The following RAI14 variants were observed in gnomAD, a reference collection of about 807,000 sequenced individuals.
The protein encoded by RAI14 is ankycorbin.
In RAI14, 45 loss-of-function variants were observed where a neutral mutation model predicts 115.4. That is an observed-to-expected ratio of 0.39 (90% CI 0.31 to 0.50). RAI14 has a LOEUF of 0.50. RAI14 is among the 20% of genes least tolerant of loss of function. The probability of loss-of-function intolerance (pLI) is 0.85; values close to 1 mark genes in which losing one functional copy is unlikely to be tolerated. For synonymous variants in RAI14, 371 were observed against 415.4 expected, an observed-to-expected ratio of 0.89 and a Z score of 1.30; for missense variants, 939 against 1,131.2, an observed-to-expected ratio of 0.83 and a Z score of 2.44.
intron 1 of RAI14, among the ~76,000 whole-genome samples, chr5:34,674,746 C>T (rs1342388044): frequency 6.6e-6 from 1 of 151,974 alleles, no homozygotes; most frequent in Non-Finnish European, 1.5e-5. Context: ...CGCTACCATG[C>T]CTGGCTAATT....
At chr5:34,778,759 A>G (rs573631087) in intron 3 of RAI14, among the ~76,000 whole-genome samples, 54 of 137,858 alleles carry the variant, frequency 3.9e-4, no homozygotes, top group Non-Finnish European at 5.0e-4. Context: ...TTTTTAAAGA[A>G]AGGAAAAAAA....
chr5:34,752,345 A>C (rs944943265), intron 2 of RAI14, among the ~76,000 whole-genome samples: 1 of 152,218 alleles, frequency 6.6e-6, no homozygotes, highest in East Asian at 1.9e-4. Context: ...TAAAATCAGC[A>C]GCAAATACTG....
At chr5:34,714,623 A>G (rs1741785726) in intron 2 of RAI14, among the ~76,000 whole-genome samples, 2 of 152,224 alleles carry the variant, frequency 1.3e-5, no homozygotes, top group Non-Finnish European at 2.9e-5. Flanking sequence ...CCAATGGCAT[A>G]TAATAATAAT....
chr5:34,789,243 A>C (rs987252664), intron 3 of RAI14, among the ~76,000 whole-genome samples: 1 of 152,196 alleles, frequency 6.6e-6, no homozygotes, highest in African/African-American at 2.4e-5. Context: ...GACATTTATC[A>C]GTCACTGCAT....
chr5:34,709,825 C>T (rs945110916), intron 2 of RAI14, among the ~76,000 whole-genome samples: 17 of 151,962 alleles, frequency 1.1e-4, no homozygotes, highest in South Asian at 2.1e-4. Context: ...GGAGGGAAGC[C>T]GTGTAGATAT....
chr5:34,720,100 A>G (rs1042078055), intron 2 of RAI14, among the ~76,000 whole-genome samples: 1 of 152,212 alleles, frequency 6.6e-6, no homozygotes, highest in Non-Finnish European at 1.5e-5. Context: ...TCCTTATGAT[A>G]TTATGACAGT....
chr5:34,774,167 A>T (rs1369736043), intron 3 of RAI14, among the ~76,000 whole-genome samples: 1 of 151,792 alleles, frequency 6.6e-6, no homozygotes, highest in Non-Finnish European at 1.5e-5. Flanking sequence ...AGCCTGGCCA[A>T]CATGGTGAAA....
intron 2 of RAI14, among the ~76,000 whole-genome samples, chr5:34,708,364 G>A (rs1241335508): frequency 3.3e-5 from 5 of 152,004 alleles, no homozygotes; most frequent in African/African-American, 4.8e-5. Flanking sequence ...CACCTCGCCC[G>A]GCTAATTTTC....
intron 2 of RAI14, among the ~76,000 whole-genome samples, chr5:34,711,738 G>A (rs1271427811): frequency 3.3e-5 from 5 of 152,192 alleles, no homozygotes; most frequent in Admixed American, 2.0e-4. Context: ...CGACTCTGAC[G>A]TGATCTTGGA....
chr5:34,708,079 AGAAACTAGATCGTAT>A (rs1368871524), intron 2 of RAI14, among the ~76,000 whole-genome samples: 1 of 152,254 alleles, frequency 6.6e-6, no homozygotes, highest in African/African-American at 2.4e-5. Context: ...TATCATGTCA[AGAAACTAGATCGTAT>A]GAAAGCTAAG....
intron 5 of RAI14, among the ~76,000 whole-genome samples, chr5:34,805,753 A>G: frequency 6.6e-6 from 1 of 152,162 alleles, no homozygotes; most frequent in Non-Finnish European, 1.5e-5. Flanking sequence ...AGGCAGGAGA[A>G]TCACTTGAAC....
chr5:34,726,526 CT>C (rs1200024312), intron 2 of RAI14, among the ~76,000 whole-genome samples: 1 of 152,166 alleles, frequency 6.6e-6, no homozygotes, highest in African/African-American at 2.4e-5. Flanking sequence ...GGTCCCTCCC[CT>C]AACACTGGGA....
At chr5:34,757,092 G>C (rs1048113478) in intron 2 of RAI14, among the ~76,000 whole-genome samples, 1 of 152,204 alleles carries the variant, frequency 6.6e-6, no homozygotes, top group Non-Finnish European at 1.5e-5. Flanking sequence ...GACAGAGTGA[G>C]CTGTGGATGA....
chr5:34,735,804 A>G (rs1308003464), intron 2 of RAI14, among the ~76,000 whole-genome samples: 1 of 152,230 alleles, frequency 6.6e-6, no homozygotes, highest in African/African-American at 2.4e-5. Context: ...TAGCATGCAG[A>G]GAAATGGTGC....
chr5:34,701,356 T>G (rs1284715249), intron 2 of RAI14, among the ~76,000 whole-genome samples: 1 of 152,224 alleles, frequency 6.6e-6, no homozygotes, highest in Non-Finnish European at 1.5e-5. Flanking sequence ...AGAATCTCTG[T>G]TAACATAGTT....
chr5:34,806,733 C>T (rs926531211), intron 5 of RAI14, among the ~76,000 whole-genome samples: 3 of 151,528 alleles, frequency 2.0e-5, no homozygotes, highest in Non-Finnish European at 2.9e-5. Flanking sequence ...AGGTGGGGCA[C>T]GGGGGAGGGG....
At chr5:34,670,943 T>C (rs75192274) in intron 1 of RAI14, among the ~76,000 whole-genome samples, 1,782 of 152,296 alleles carry the variant, frequency 0.012, 29 homozygotes, top group African/African-American at 0.04. Context: ...TAATTCCCTA[T>C]TGATGTTTTT....
chr5:34,741,930 T>C (rs192472547), intron 2 of RAI14, among the ~76,000 whole-genome samples: 41 of 152,212 alleles, frequency 2.7e-4, no homozygotes, highest in Non-Finnish European at 4.3e-4. Flanking sequence ...TCCACACGTG[T>C]CATTGTGCCC....
At chr5:34,766,880 T>G (rs370351808) in intron 3 of RAI14, among the ~76,000 whole-genome samples, 69 of 152,274 alleles carry the variant, frequency 4.5e-4, no homozygotes, top group African/African-American at 1.6e-3. Context: ...GGGAGATAAT[T>G]TGAATCATGG....
Sources: allele counts gnomAD v4.1 joint callset (sites outside exome capture counted in the v4.1 genomes callset), GRCh38; gene constraint gnomAD v4.1.1; transcripts MANE v1.5; gene names NCBI Gene and HGNC (gene_info 2026-07-23, HGNC 2026-07-21).